SVOP: variants seen among roughly 807,000 people sequenced by gnomAD.
The protein encoded by SVOP is SV2 related protein.
A neutral mutation model predicts 69.1 loss-of-function variants in SVOP; 17 were observed. The observed-to-expected ratio is 0.25, with a 90% CI of 0.17 to 0.37. The LOEUF is 0.37. SVOP is among the 10% of genes least tolerant of loss of function. The pLI is 1.00. For missense variants in SVOP, 435 were observed against 597.5 expected (o/e 0.73, Z 2.84); for synonymous variants, 238 against 238.6 (o/e 1.00, Z 0.02).
At chr12:108,933,427 C>T (rs1566050787) in intron 11 of SVOP, among the ~76,000 whole-genome samples, 2 of 151,778 alleles carry the variant, frequency 1.3e-5, no homozygotes, top group Non-Finnish European at 2.9e-5. Flanking sequence ...CCTGTAATCC[C>T]AGCACTTTGG....
chr12:108,935,703 T>C (rs565585059), intron 10 of SVOP, among the ~76,000 whole-genome samples: 22 of 152,300 alleles, frequency 1.4e-4, no homozygotes, highest in South Asian at 1.0e-3. Flanking sequence ...ACATAAAGCC[T>C]TAAGCCAGGC....
chr12:108,913,409 C>T (rs2039697225), intron 15 of SVOP, among the ~76,000 whole-genome samples: 1 of 152,198 alleles, frequency 6.6e-6, no homozygotes, highest in South Asian at 2.1e-4. Flanking sequence ...GATGCCATGC[C>T]ACAGCCCTAT....
At chr12:108,962,511 G>T (rs1283453146) in intron 5 of SVOP, among the ~76,000 whole-genome samples, 1 of 152,134 alleles carries the variant, frequency 6.6e-6, no homozygotes, top group Non-Finnish European at 1.5e-5. Context: ...ATGGAGTGTT[G>T]CTATGTTGCC....
At chr12:108,982,344 CCAT>C (rs1354729041) in intron 2 of SVOP, among the ~76,000 whole-genome samples, 11 of 147,138 alleles carry the variant, frequency 7.5e-5, no homozygotes, top group East Asian at 6.3e-4. Context: ...ATCATCTTCA[CCAT>C]CATCATCATC....
chr12:108,953,320 G>A (rs773441924), intron 6 of SVOP, among the ~76,000 whole-genome samples: 60 of 151,904 alleles, frequency 3.9e-4, no homozygotes, highest in Non-Finnish European at 6.9e-4. Flanking sequence ...AACTAATTTT[G>A]TATTTATAGT....
At chr12:109,002,889 C>G (rs2135623022) in intron 1 of SVOP, among the ~76,000 whole-genome samples, 1 of 150,518 alleles carries the variant, frequency 6.6e-6, no homozygotes, top group Non-Finnish European at 1.5e-5. Context: ...AATGCACCAG[C>G]ATGGCACATG....
At chr12:108,967,316 C>T (rs180871034) in intron 5 of SVOP, among the ~76,000 whole-genome samples, 29 of 151,964 alleles carry the variant, frequency 1.9e-4, no homozygotes, top group Admixed American at 7.9e-4. Context: ...CTGGCTAACA[C>T]GGTGAAACCC....
chr12:109,003,444 G>A (rs7134535), intron 1 of SVOP, among the ~76,000 whole-genome samples: 45,150 of 152,056 alleles, frequency 0.3, 7,658 homozygotes, highest in African/African-American at 0.46. Flanking sequence ...GCTTGCAGAC[G>A]GTTGTGAGCA....
At chr12:108,994,021 G>A (rs958268931) in intron 1 of SVOP, among the ~76,000 whole-genome samples, 6 of 152,188 alleles carry the variant, frequency 3.9e-5, no homozygotes, top group African/African-American at 1.4e-4. Context: ...TCGCCGCAAG[G>A]ACCGTCCACG....
intron 1 of SVOP, among the ~76,000 whole-genome samples, chr12:109,011,321 G>A (rs1285154810): frequency 6.6e-6 from 1 of 152,202 alleles, no homozygotes; most frequent in Non-Finnish European, 1.5e-5. Context: ...GAAATGAAGG[G>A]GTGTGAGCAA....
At chr12:108,985,142 A>T (rs1244945496) in intron 1 of SVOP, among the ~76,000 whole-genome samples, 1 of 149,306 alleles carries the variant, frequency 6.7e-6, no homozygotes, top group African/African-American at 2.5e-5. Context: ...TGGGAGGATC[A>T]CTTGAACCCA....
At chr12:108,945,301 G>A in intron 6 of SVOP, 135 bp from the exon 7 acceptor site, 1 of 802,520 alleles carries the variant, frequency 1.2e-6, no homozygotes, top group Non-Finnish European at 2.0e-6. Flanking sequence ...TTCCTGAGAT[G>A]ATGTTGGTTA....
intron 6 of SVOP, among the ~76,000 whole-genome samples, chr12:108,946,712 T>TTATTATTAG (rs1285373434): frequency 6.8e-6 from 1 of 147,060 alleles, no homozygotes; most frequent in Non-Finnish European, 1.5e-5. Context: ...ATTATTATTA[T>TTATTATTAG]TATTATTATT....
chr12:108,998,376 GA>G (rs2040248606), intron 1 of SVOP, among the ~76,000 whole-genome samples: 1 of 152,004 alleles, frequency 6.6e-6, no homozygotes, highest in Non-Finnish European at 1.5e-5. Context: ...AACCAAGTTG[GA>G]AAACACTCTG....
chr12:109,017,258 A>G (rs2040372347), intron 1 of SVOP, among the ~76,000 whole-genome samples: 2 of 152,018 alleles, frequency 1.3e-5, no homozygotes, highest in South Asian at 4.1e-4. Context: ...TTGTGAACTG[A>G]CACACAAGGG....
chr12:108,971,868 AT>A (rs1245146658), intron 5 of SVOP, among the ~76,000 whole-genome samples: 1 of 152,070 alleles, frequency 6.6e-6, no homozygotes, highest in Admixed American at 6.6e-5. Context: ...AGCCTGGGCA[AT>A]ATGGTGAAAT....
At chr12:108,984,734 G>A (rs889019423) in intron 1 of SVOP, among the ~76,000 whole-genome samples, 14 of 152,080 alleles carry the variant, frequency 9.2e-5, no homozygotes, top group African/African-American at 3.4e-4. Context: ...GGGACTCCGG[G>A]GCAAAATTAC....
intron 6 of SVOP, among the ~76,000 whole-genome samples, chr12:108,949,376 T>C (rs1163769589): frequency 6.6e-6 from 1 of 152,068 alleles, no homozygotes; most frequent in Non-Finnish European, 1.5e-5. Flanking sequence ...GTTCAAGTGA[T>C]TCTCCTGCCT....
At chr12:108,992,708 G>A (rs1461788548) in intron 1 of SVOP, among the ~76,000 whole-genome samples, 2 of 152,142 alleles carry the variant, frequency 1.3e-5, no homozygotes, top group African/African-American at 4.8e-5. Context: ...GAGACAGAAA[G>A]CAGATTAGTG....
Sources: allele counts gnomAD v4.1 joint callset (sites outside exome capture counted in the v4.1 genomes callset), GRCh38; gene constraint gnomAD v4.1.1; transcripts MANE v1.5; gene names NCBI Gene and HGNC (gene_info 2026-07-23, HGNC 2026-07-21).